MRPL34: variants seen among roughly 807,000 people sequenced by gnomAD.
MRPL34 encodes the protein large ribosomal subunit protein bL34m.
MRPL34 carries 8 observed loss-of-function variants against 6.7 expected under a neutral mutation model. That is an observed-to-expected ratio of 1.20 (90% CI 0.70 to 2.16). MRPL34 has a LOEUF of 2.16. MRPL34 is among the 30% of genes most tolerant of loss of function. The pLI is 0.00. For missense variants in MRPL34, 146 were observed against 125.5 expected (o/e 1.16, Z -0.78); for synonymous variants, 59 against 55.1 (o/e 1.07, Z -0.31).
At chr19:17,305,241 C>CT (rs34823570), upstream of MRPL34, among the ~76,000 whole-genome samples, 3,355 of 121,148 alleles carry the variant, frequency 0.028, 72 homozygotes, top group African/African-American at 0.062. Context: ...ATTTTTCTTC[C>CT]TTTTTTTTTT....
At position 17,306,608 on chromosome 19, in the gene MRPL34, T is replaced by A; in HGVS notation, c.*229T>A. The A allele has an allele frequency of 2.2e-6, 1 of 464,026 alleles. No homozygotes were observed. The highest frequency in any genetic ancestry group is 3.8e-6 in the Non-Finnish European group (1 of 262,148). The allele number at this position is 464,026 out of a possible 1,614,324, so 28.7% of individuals were successfully genotyped here. On this transcript the variant is annotated 3_prime_UTR_variant, in exon 2 of 2. Coordinates refer to ENST00000252602, the MANE Select transcript of MRPL34 (RefSeq NM_023937.4). ...AGACCAAAGAACAGTACAAAGAACA[T>A]CCGTGTACCCAGTACCCTGACTACC...
chr19:17,305,763 G>T (rs1162894308), upstream of MRPL34: 3 of 934,604 alleles, frequency 3.2e-6, no homozygotes, highest in South Asian at 2.6e-5. Context: ...ACAACTTCAG[G>T]GTTTTCCCCA....
upstream of MRPL34, chr19:17,305,639 G>A: frequency 3.7e-6 from 2 of 545,704 alleles, no homozygotes; most frequent in South Asian, 2.0e-5. Flanking sequence ...TGCCTTGTGC[G>A]CACGCGCTTG....
At chr19:17,304,789 C>CT (rs10709678), upstream of MRPL34, among the ~76,000 whole-genome samples, 125 of 150,490 alleles carry the variant, frequency 8.3e-4, 1 homozygote, top group South Asian at 8.4e-4. Flanking sequence ...AAGACGACTC[C>CT]TTTTTTTTTT....
chr19:17,294,245 C>G, intron 1 of MRPL34: 1 of 1,582,530 alleles, frequency 6.3e-7, no homozygotes. Context: ...CGGGCAGCAC[C>G]CTGGGGATTT....
chr19:17,292,618 G>A (rs778973189), exon 1 of MRPL34: 5 of 1,561,082 alleles, frequency 3.2e-6, no homozygotes, highest in Non-Finnish European at 4.3e-6. Flanking sequence ...GCCTCCTCCT[G>A]CTGCGGCTGT....
At chr19:17,293,534 G>A (rs2074080261) in intron 1 of MRPL34, among the ~76,000 whole-genome samples, 1 of 151,908 alleles carries the variant, frequency 6.6e-6, no homozygotes, top group Non-Finnish European at 1.5e-5. Context: ...AGGGTGTTGA[G>A]CAGCATCCCT....
At chr19:17,294,297 G>A (rs2074083687) in intron 1 of MRPL34, 1 of 1,604,760 alleles carries the variant, frequency 6.2e-7, no homozygotes. Context: ...CCTCGGCCAT[G>A]CGCTGGTCTT....
At chr19:17,301,453 G>A, upstream of MRPL34, 1 of 1,611,778 alleles carries the variant, frequency 6.2e-7, no homozygotes, top group African/African-American at 1.3e-5. Flanking sequence ...AGGTGGGGCA[G>A]CGGCTGGGGC....
At position 17,293,694 on chromosome 19, in the gene MRPL34, T is replaced by C. The variant is rs1361724212; in HGVS notation, c.214+840T>C. Among the ~76,000 whole-genome samples the C allele has an allele frequency of 6.6e-3, 1,008 of 151,676 alleles. 15 individuals carry two copies. The highest frequency in any genetic ancestry group is 0.023 in the African/African-American group (951 of 41,352). On this transcript the variant is annotated intron_variant, in intron 1 of 2. Coordinates refer to the MRPL34 transcript ENST00000595444. ...AGTTATACTTTAATGGTTTTTGTTT[T>C]TTTTTTTTTTTCTTTAAGAAACGGG...
At position 17,293,002 on chromosome 19, in the gene MRPL34, G is replaced by A. The variant is rs918787882; in HGVS notation, c.214+148G>A. 6.5e-5 allele frequency: 45 copies of A among 695,758 alleles called. No individual in the cohort carries two copies. In the African/African-American group the frequency reaches 6.8e-4, roughly 11 times the overall value. The allele number at this position is 695,758 out of a possible 1,614,324, so 43.1% of individuals were successfully genotyped here. A position where few individuals can be genotyped will look rare whatever the true frequency, so the allele number is the denominator to read the frequency against. ...AGGGGGAGCTGGAGGATGGCCTGTA[G>A]CCCTGCTGGAACCCAACTAGTATTC... On this transcript the variant is annotated intron_variant, in intron 1 of 2. Coordinates refer to the MRPL34 transcript ENST00000595444.
intron 1 of MRPL34, among the ~76,000 whole-genome samples, chr19:17,293,136 C>T (rs893046239): frequency 4.1e-5 from 6 of 147,804 alleles, no homozygotes; most frequent in African/African-American, 7.5e-5. Context: ...TGCTCTGTCA[C>T]CCAGGCTGGA....
At chr19:17,298,154 C>T (rs984803432), upstream of MRPL34, 1 of 151,434 alleles carries the variant, frequency 6.6e-6, no homozygotes, top group Non-Finnish European at 1.5e-5. Context: ...TCCTGACCTC[C>T]TGATCCGCCC....
chr19:17,300,765 A>G, upstream of MRPL34: 1 of 1,457,626 alleles, frequency 6.9e-7, no homozygotes, highest in Non-Finnish European at 9.2e-7. Flanking sequence ...GGCGTGAGCC[A>G]CGGGGCTCAG....
At chr19:17,304,556 T>C (rs2145664346), upstream of MRPL34, among the ~76,000 whole-genome samples, 1 of 152,304 alleles carries the variant, frequency 6.6e-6, no homozygotes, top group African/African-American at 2.4e-5. Context: ...CCCCTGGAAT[T>C]TGCTGCCAGA....
At chr19:17,305,992 G>C (rs778303693) in intron 1 of MRPL34, 35 bp downstream of exon 1, 1 of 1,612,012 alleles carries the variant, frequency 6.2e-7, no homozygotes, top group Non-Finnish European at 8.5e-7. Context: ...CCAAATCAGG[G>C]AATAAGGGCG....
chr19:17,292,786 T>G, exon 1 of MRPL34: 2 of 1,613,288 alleles, frequency 1.2e-6, no homozygotes, highest in Non-Finnish European at 1.7e-6. Flanking sequence ...AGCATCACCA[T>G]GTGGCTGCCC....
chr19:17,297,873 G>A (rs955514274), upstream of MRPL34: 3 of 150,766 alleles, frequency 2.0e-5, no homozygotes, highest in Non-Finnish European at 2.9e-5. Flanking sequence ...TGGGATTATA[G>A]GTGTAAGCCA....
chr19:17,295,769 G>A (rs550463390), intron 1 of MRPL34, among the ~76,000 whole-genome samples: 14 of 152,240 alleles, frequency 9.2e-5, no homozygotes, highest in African/African-American at 2.4e-4. Flanking sequence ...GTGCGGTGGC[G>A]TAATCATAGC....
Sources: allele counts gnomAD v4.1 joint callset (sites outside exome capture counted in the v4.1 genomes callset), GRCh38; gene constraint gnomAD v4.1.1; transcripts MANE v1.5; gene names NCBI Gene and HGNC (gene_info 2026-07-23, HGNC 2026-07-21).